Variants in SUMF1 observed in about 807,000 individuals in gnomAD.
SUMF1 encodes the protein sulfatase modifying factor 1, also known as formylglycine-generating enzyme.
SUMF1 carries 48 observed loss-of-function variants against 47.6 expected under a neutral mutation model. That is an observed-to-expected ratio of 1.01 (90% CI 0.80 to 1.28). SUMF1 has a LOEUF of 1.28. Ranked by LOEUF, SUMF1 falls within the 50% of genes most tolerant of loss-of-function variation. SUMF1 has a pLI of 0.00. For missense variants in SUMF1, 571 were observed against 485.4 expected (o/e 1.18, Z -1.66); for synonymous variants, 230 against 192.1 (o/e 1.20, Z -1.63).
chr3:4,380,840 G>A (rs1700481197), intron 7 of SUMF1, among the ~76,000 whole-genome samples: 1 of 152,154 alleles, frequency 6.6e-6, no homozygotes, highest in South Asian at 2.1e-4. Context: ...GAAAAGTGAT[G>A]AAGAAGCAAC....
chr3:4,135,770 A>C (rs1380497069), intron 8 of SUMF1, among the ~76,000 whole-genome samples: 4 of 152,206 alleles, frequency 2.6e-5, no homozygotes, highest in African/African-American at 9.6e-5. Context: ...AAGCAACTTC[A>C]GCAACATCTC....
chr3:4,348,033 C>T (rs1339515856), intron 8 of SUMF1, among the ~76,000 whole-genome samples: 1 of 152,108 alleles, frequency 6.6e-6, no homozygotes, highest in Non-Finnish European at 1.5e-5. Flanking sequence ...AGAGAGGACA[C>T]AAACAAATGG....
chr3:4,156,687 C>G (rs79569075), intron 8 of SUMF1, among the ~76,000 whole-genome samples: 1 of 151,638 alleles, frequency 6.6e-6, no homozygotes, highest in Admixed American at 6.6e-5. Flanking sequence ...CTGGGCCTGG[C>G]AGCCCTGCCC....
At chr3:4,443,903 T>C (rs1329685194) in intron 3 of SUMF1, among the ~76,000 whole-genome samples, 1 of 150,816 alleles carries the variant, frequency 6.6e-6, no homozygotes, top group Non-Finnish European at 1.5e-5. Context: ...CACAAAATAG[T>C]AAAAAGTATA....
chr3:4,418,728 G>C (rs568835386), intron 4 of SUMF1, among the ~76,000 whole-genome samples: 16 of 152,300 alleles, frequency 1.1e-4, no homozygotes, highest in Non-Finnish European at 1.9e-4. Context: ...TTCAGCCTCT[G>C]TTTCCAGAGA....
chr3:4,281,113 G>C (rs1010600040), intron 8 of SUMF1, among the ~76,000 whole-genome samples: 2 of 152,072 alleles, frequency 1.3e-5, no homozygotes, highest in Non-Finnish European at 2.9e-5. Context: ...ACTTCTGGGC[G>C]AGGAGAAAAC....
chr3:4,356,836 C>T (rs563674736), downstream of SUMF1, among the ~76,000 whole-genome samples: 132 of 152,324 alleles, frequency 8.7e-4, 1 homozygote, highest in Non-Finnish European at 1.4e-3. Flanking sequence ...CAGCCATGGA[C>T]GAGAACAGAG....
At chr3:4,051,784 A>G (rs1017881150) in intron 9 of SUMF1, among the ~76,000 whole-genome samples, 9 of 152,172 alleles carry the variant, frequency 5.9e-5, no homozygotes, top group Non-Finnish European at 1.3e-4. Flanking sequence ...GATCATAAGA[A>G]TGTAGACTGG....
intron 9 of SUMF1, among the ~76,000 whole-genome samples, chr3:4,052,788 T>G (rs1695135753): frequency 6.6e-6 from 1 of 152,144 alleles, no homozygotes; most frequent in Non-Finnish European, 1.5e-5. Flanking sequence ...GTCATACAAA[T>G]TTTTTGGTTT....
chr3:4,060,803 A>G (rs771324000), intron 9 of SUMF1, among the ~76,000 whole-genome samples: 17 of 152,194 alleles, frequency 1.1e-4, no homozygotes, highest in Non-Finnish European at 2.1e-4. Flanking sequence ...GGAATAAATG[A>G]ATCATTGTAA....
At chr3:4,167,985 T>A (rs2125120716) in intron 8 of SUMF1, among the ~76,000 whole-genome samples, 1 of 152,260 alleles carries the variant, frequency 6.6e-6, no homozygotes, top group East Asian at 1.9e-4. Flanking sequence ...GCCATAGTCT[T>A]ATCCAGTTCT....
At chr3:4,208,758 T>C (rs547295872) in intron 8 of SUMF1, among the ~76,000 whole-genome samples, 84 of 151,864 alleles carry the variant, frequency 5.5e-4, no homozygotes, top group Non-Finnish European at 9.9e-4. Flanking sequence ...TATGTGACAA[T>C]AGAAACTTTC....
chr3:4,443,782 A>T (rs1183792287), intron 3 of SUMF1, among the ~76,000 whole-genome samples: 1 of 152,160 alleles, frequency 6.6e-6, no homozygotes, highest in Non-Finnish European at 1.5e-5. Context: ...GAAAAAGAAA[A>T]AAGAGAGAGA....
At chr3:4,109,402 C>T (rs796177420) in intron 8 of SUMF1, among the ~76,000 whole-genome samples, 1 of 152,012 alleles carries the variant, frequency 6.6e-6, no homozygotes, top group African/African-American at 2.4e-5. Flanking sequence ...AATTATGTGT[C>T]TTGGAGTTGC....
At chr3:4,130,226 T>A (rs1171325245) in intron 8 of SUMF1, among the ~76,000 whole-genome samples, 1 of 152,194 alleles carries the variant, frequency 6.6e-6, no homozygotes, top group Non-Finnish European at 1.5e-5. Context: ...TGATTGCAGC[T>A]GCTGTACCAG....
At chr3:4,211,484 T>C (rs1695792665) in intron 8 of SUMF1, among the ~76,000 whole-genome samples, 1 of 151,460 alleles carries the variant, frequency 6.6e-6, no homozygotes, top group Non-Finnish European at 1.5e-5. Flanking sequence ...TTGAAAGAGG[T>C]AAACATGAAA....
At chr3:4,261,311 A>G (rs57890624) in intron 8 of SUMF1, among the ~76,000 whole-genome samples, 6,777 of 152,286 alleles carry the variant, frequency 0.045, 477 homozygotes, top group African/African-American at 0.15. Context: ...CATTTGGTTT[A>G]GGATAGAGAG....
chr3:4,141,917 C>A (rs1371502994), intron 8 of SUMF1, among the ~76,000 whole-genome samples: 2 of 152,030 alleles, frequency 1.3e-5, no homozygotes, highest in African/African-American at 2.4e-5. Context: ...GCCCTAGGAA[C>A]CCACATGTTT....
At chr3:4,069,085 A>G (rs1317467678) in intron 8 of SUMF1, among the ~76,000 whole-genome samples, 1 of 152,248 alleles carries the variant, frequency 6.6e-6, no homozygotes, top group Non-Finnish European at 1.5e-5. Context: ...AGCAGGGCCA[A>G]CCGTGCATGA....
Sources: gnomAD v4.1 joint callset for allele counts (sites outside exome capture counted in the v4.1 genomes callset) on GRCh38, gnomAD v4.1.1 for gene constraint, MANE v1.5 for transcripts, NCBI Gene and HGNC (gene_info 2026-07-23, HGNC 2026-07-21) for gene names.